The following ELMO1 variants were observed in gnomAD, a reference collection of about 807,000 sequenced individuals.
ELMO1 encodes engulfment and cell motility 1.
A neutral mutation model predicts 98.9 loss-of-function variants in ELMO1; 26 were observed. The observed-to-expected ratio is 0.26, with a 90% confidence interval of 0.19 to 0.36. ELMO1 has a LOEUF of 0.36. ELMO1 is among the 10% of genes least tolerant of loss of function. ELMO1 has a pLI of 1.00. For synonymous variants in ELMO1, 346 were observed against 346.0 expected, an observed-to-expected ratio of 1.00 and a Z score of 0.00; for missense variants, 627 against 935.2, an observed-to-expected ratio of 0.67 and a Z score of 4.30.
chr7:37,281,063 GGAGT>G (rs1797112767), intron 4 of ELMO1, among the ~76,000 whole-genome samples: 1 of 151,132 alleles, frequency 6.6e-6, no homozygotes, highest in Non-Finnish European at 1.5e-5. Flanking sequence ...GCCATAAAAA[GGAGT>G]GAGTTAACAG....
At chr7:37,263,083 A>G (rs1287791021) in intron 5 of ELMO1, among the ~76,000 whole-genome samples, 1 of 152,158 alleles carries the variant, frequency 6.6e-6, no homozygotes, top group African/African-American at 2.4e-5. Context: ...TGGATCCAGA[A>G]CAGGCAGGGA....
At chr7:36,949,640 C>A (rs1301706226) in intron 16 of ELMO1, among the ~76,000 whole-genome samples, 2 of 152,168 alleles carry the variant, frequency 1.3e-5, no homozygotes, top group Non-Finnish European at 2.9e-5. Context: ...GGCCTCTATT[C>A]ACTAGGTGTC....
At chr7:37,339,970 T>C (rs1800629493) in intron 2 of ELMO1, among the ~76,000 whole-genome samples, 1 of 152,140 alleles carries the variant, frequency 6.6e-6, no homozygotes, top group African/African-American at 2.4e-5. Flanking sequence ...TGAAGACTTT[T>C]CCTAAAATAG....
At chr7:37,058,186 T>C (rs910172028) in intron 15 of ELMO1, among the ~76,000 whole-genome samples, 4 of 152,218 alleles carry the variant, frequency 2.6e-5, no homozygotes, top group African/African-American at 4.8e-5. Context: ...CCTTCGACTC[T>C]ATCAATGCTA....
At chr7:37,261,115 C>T (rs1024960453) in intron 5 of ELMO1, among the ~76,000 whole-genome samples, 5 of 134,702 alleles carry the variant, frequency 3.7e-5, no homozygotes, top group African/African-American at 1.5e-4. Context: ...GCAGTTGATA[C>T]CAATATAAAA....
intron 16 of ELMO1, among the ~76,000 whole-genome samples, chr7:37,007,552 A>T (rs1458411293): frequency 6.6e-6 from 1 of 152,174 alleles, no homozygotes; most frequent in Admixed American, 6.5e-5. Flanking sequence ...TCAGCTAACC[A>T]ACAGAGCGCC....
chr7:37,213,295 G>A, intron 12 of ELMO1, 40 bp downstream of exon 12: 2 of 1,598,240 alleles, frequency 1.3e-6, no homozygotes, highest in South Asian at 1.1e-5. Flanking sequence ...GACACTTTCT[G>A]TCCTTCCTGT....
chr7:37,253,251 C>G (rs1026639661), intron 6 of ELMO1, among the ~76,000 whole-genome samples: 1 of 152,162 alleles, frequency 6.6e-6, no homozygotes, highest in African/African-American at 2.4e-5. Context: ...GATTATAAGT[C>G]ATTCTACTGT....
intron 8 of ELMO1, among the ~76,000 whole-genome samples, chr7:37,226,661 C>G (rs182286214): frequency 7.3e-4 from 111 of 152,222 alleles, no homozygotes; most frequent in African/African-American, 2.5e-3. Flanking sequence ...TCCTCATTCC[C>G]GGCTCCCCTG....
At chr7:37,332,586 G>C (rs753317724) in intron 2 of ELMO1, among the ~76,000 whole-genome samples, 2 of 152,258 alleles carry the variant, frequency 1.3e-5, no homozygotes, top group Non-Finnish European at 1.5e-5. Flanking sequence ...TAGACATGCA[G>C]AGAACTGAGG....
At chr7:37,330,998 G>C (rs563224764) in intron 2 of ELMO1, among the ~76,000 whole-genome samples, 43 of 152,298 alleles carry the variant, frequency 2.8e-4, no homozygotes, top group Middle Eastern at 6.8e-3. Flanking sequence ...ACAAAGGGGT[G>C]CTGCAAGTCC....
intron 1 of ELMO1, among the ~76,000 whole-genome samples, chr7:37,421,037 C>G (rs781751811): frequency 6.6e-6 from 1 of 152,196 alleles, no homozygotes; most frequent in Non-Finnish European, 1.5e-5. Flanking sequence ...AGCCCAGAAC[C>G]CTAAGCCACA....
chr7:37,067,379 C>T (rs1265641193), intron 15 of ELMO1, among the ~76,000 whole-genome samples: 1 of 152,028 alleles, frequency 6.6e-6, no homozygotes, highest in Non-Finnish European at 1.5e-5. Flanking sequence ...CAGGGTACAG[C>T]GATGAACAAA....
intron 18 of ELMO1, among the ~76,000 whole-genome samples, chr7:36,883,805 T>G (rs1033007856): frequency 1.3e-5 from 2 of 152,178 alleles, no homozygotes; most frequent in African/African-American, 4.8e-5. Flanking sequence ...TTTATAGTAA[T>G]GCGAGAATGG....
At chr7:37,223,036 G>GTA (rs1270925692) in intron 9 of ELMO1, among the ~76,000 whole-genome samples, 14 of 152,160 alleles carry the variant, frequency 9.2e-5, no homozygotes, top group Admixed American at 7.9e-4. Context: ...ATGTATGTAT[G>GTA]TGTATGTGTA....
intron 1 of ELMO1, among the ~76,000 whole-genome samples, chr7:37,440,324 C>T (rs1805352532): frequency 6.6e-6 from 1 of 151,956 alleles, no homozygotes; most frequent in Admixed American, 6.6e-5. Context: ...CACCTGTAGT[C>T]CCAGTTACTG....
intron 10 of ELMO1, among the ~76,000 whole-genome samples, chr7:37,217,494 T>C (rs1563083524): frequency 7.3e-6 from 1 of 137,326 alleles, no homozygotes; most frequent in Non-Finnish European, 1.6e-5. Flanking sequence ...GTTTTTGGTG[T>C]TGCTACTCTT....
At chr7:37,155,567 G>C (rs1461592206) in intron 13 of ELMO1, among the ~76,000 whole-genome samples, 2 of 146,728 alleles carry the variant, frequency 1.4e-5, no homozygotes, top group Non-Finnish European at 3.0e-5. Flanking sequence ...AAGATCAAAA[G>C]AGACAAAGAA....
chr7:36,972,604 T>C (rs1158911393), intron 16 of ELMO1, among the ~76,000 whole-genome samples: 3 of 152,170 alleles, frequency 2.0e-5, no homozygotes, highest in Non-Finnish European at 4.4e-5. Context: ...CTTCCTTCTA[T>C]GCATGTCTGT....
Sources: allele counts gnomAD v4.1 joint callset (sites outside exome capture counted in the v4.1 genomes callset), GRCh38; gene constraint gnomAD v4.1.1; transcripts MANE v1.5; gene names NCBI Gene and HGNC (gene_info 2026-07-23, HGNC 2026-07-21).